SGCZ: variants seen among roughly 807,000 people sequenced by gnomAD.
The protein encoded by SGCZ is sarcoglycan zeta.
In SGCZ, 40 loss-of-function variants were observed where a neutral mutation model predicts 41.3. The observed-to-expected ratio is 0.97, with a 90% CI of 0.75 to 1.26. The LOEUF (loss-of-function observed/expected upper bound fraction) is 1.26, where lower values mean the gene tolerates loss of function less well. Ranked by LOEUF, SGCZ falls within the 50% of genes most tolerant of loss-of-function variation. The probability of loss-of-function intolerance (pLI) is 0.00; values close to 1 mark genes in which losing one functional copy is unlikely to be tolerated. For missense variants in SGCZ, 552 were observed against 369.8 expected (o/e 1.49, Z -4.04); for synonymous variants, 206 against 137.5 (o/e 1.50, Z -3.49).
At chr8:14,300,233 A>G (rs1055904375) in intron 3 of SGCZ, among the ~76,000 whole-genome samples, 1 of 151,854 alleles carries the variant, frequency 6.6e-6, no homozygotes, top group Non-Finnish European at 1.5e-5. Flanking sequence ...ACAAAATTCT[A>G]CAGCTAAATA....
At chr8:14,601,853 G>A (rs1379495107) in intron 1 of SGCZ, among the ~76,000 whole-genome samples, 1 of 152,164 alleles carries the variant, frequency 6.6e-6, no homozygotes, top group African/African-American at 2.4e-5. Context: ...GGGCGCGGTG[G>A]CTCACGCCTG....
At chr8:14,128,550 G>C (rs1046469718) in intron 5 of SGCZ, among the ~76,000 whole-genome samples, 1 of 152,086 alleles carries the variant, frequency 6.6e-6, no homozygotes, top group African/African-American at 2.4e-5. Context: ...CCAGTATTTG[G>C]TATCTACCTA....
intron 1 of SGCZ, among the ~76,000 whole-genome samples, chr8:14,847,110 A>AAAG (rs1314208680): frequency 7.0e-6 from 1 of 142,250 alleles, no homozygotes; most frequent in Non-Finnish European, 1.5e-5. Context: ...AAGAAAGAAG[A>AAAG]AAGAAGAAGA....
At chr8:14,399,907 A>T (rs894544253) in intron 2 of SGCZ, among the ~76,000 whole-genome samples, 6 of 151,978 alleles carry the variant, frequency 3.9e-5, no homozygotes, top group African/African-American at 1.4e-4. Context: ...ATACTTCCAA[A>T]ATTGGGCAAT....
intron 3 of SGCZ, among the ~76,000 whole-genome samples, chr8:14,302,959 C>A (rs924195176): frequency 7.9e-5 from 12 of 152,132 alleles, no homozygotes; most frequent in Admixed American, 1.3e-4. Context: ...CAGTCTCAGT[C>A]ATATTCGTGC....
intron 1 of SGCZ, among the ~76,000 whole-genome samples, chr8:14,716,628 T>A (rs1809698982): frequency 6.6e-6 from 1 of 152,096 alleles, no homozygotes; most frequent in African/African-American, 2.4e-5. Context: ...ATAGAAAAAT[T>A]AAAACCAAAC....
At chr8:15,153,101 G>C (rs1283558784) in intron 1 of SGCZ, among the ~76,000 whole-genome samples, 1 of 152,150 alleles carries the variant, frequency 6.6e-6, no homozygotes, top group Non-Finnish European at 1.5e-5. Context: ...TCATTTGAGA[G>C]ACTACAGTCT....
At chr8:15,236,929 G>T (rs572956596) in intron 1 of SGCZ, among the ~76,000 whole-genome samples, 1 of 152,132 alleles carries the variant, frequency 6.6e-6, no homozygotes, top group Non-Finnish European at 1.5e-5. Flanking sequence ...CCGAGTCCCC[G>T]GACCTGCTCC....
chr8:15,199,963 G>A (rs920859800), intron 1 of SGCZ, among the ~76,000 whole-genome samples: 1 of 152,270 alleles, frequency 6.6e-6, no homozygotes, highest in Non-Finnish European at 1.5e-5. Context: ...GATTCATAGG[G>A]AAGAATGATA....
chr8:14,762,315 C>T (rs1228021873), intron 1 of SGCZ, among the ~76,000 whole-genome samples: 1 of 152,132 alleles, frequency 6.6e-6, no homozygotes. Flanking sequence ...TAGTCCATTA[C>T]AAAATGAGAC....
intron 1 of SGCZ, among the ~76,000 whole-genome samples, chr8:14,720,576 T>C (rs1350548593): frequency 6.6e-6 from 1 of 152,092 alleles, no homozygotes; most frequent in African/African-American, 2.4e-5. Flanking sequence ...TTCTTATCCT[T>C]ATGCAGTGAA....
chr8:14,317,437 T>G (rs1323709559), intron 3 of SGCZ, among the ~76,000 whole-genome samples: 1 of 151,956 alleles, frequency 6.6e-6, no homozygotes, highest in Admixed American at 6.6e-5. Context: ...TAAAAATCAT[T>G]ATCTGTCAGA....
chr8:14,200,419 A>G (rs1414312528), intron 4 of SGCZ, among the ~76,000 whole-genome samples: 1 of 152,198 alleles, frequency 6.6e-6, no homozygotes, highest in African/African-American at 2.4e-5. Context: ...TTTATAAAGA[A>G]GAACATTGGA....
intron 1 of SGCZ, among the ~76,000 whole-genome samples, chr8:15,096,420 A>C (rs976951154): frequency 2.0e-5 from 3 of 152,216 alleles, no homozygotes; most frequent in Non-Finnish European, 4.4e-5. Flanking sequence ...ATGATTGTCT[A>C]CGAAAGCAGG....
intron 1 of SGCZ, among the ~76,000 whole-genome samples, chr8:15,040,459 C>CA (rs548040868): frequency 1.3e-4 from 20 of 151,758 alleles, no homozygotes; most frequent in South Asian, 1.2e-3. Flanking sequence ...ACTAAAAATA[C>CA]AAAAAAAATT....
chr8:14,812,893 A>T (rs1379059133), intron 1 of SGCZ, among the ~76,000 whole-genome samples: 1 of 152,140 alleles, frequency 6.6e-6, no homozygotes, highest in East Asian at 1.9e-4. Context: ...ATGCTGAGAA[A>T]ACTCTTCCTT....
At chr8:15,155,152 G>A (rs57686171) in intron 1 of SGCZ, among the ~76,000 whole-genome samples, 3,614 of 152,132 alleles carry the variant, frequency 0.024, 123 homozygotes, top group African/African-American at 0.081. Context: ...AAAATCAGCT[G>A]AGTGTGGTGG....
chr8:15,006,120 T>C lies in SGCZ; in HGVS notation c.39+231465A>G, dbSNP rs188926057. Among the ~76,000 whole-genome samples the C allele has an allele frequency of 2.9e-3, 442 of 152,270 alleles. 3 individuals carry two copies. The highest frequency in any genetic ancestry group is 4.6e-4 in the Non-Finnish European group (31 of 68,020). The stretch of plus-strand genomic sequence containing the variant: ...TATTATTGTATTTTATATTTATGCA[T>C]TGTGGGAAAGAGAGAGGAATAAATA... On this transcript the variant is annotated intron_variant, in intron 1 of 7. Transcript: ENST00000382080.
chr8:14,504,885 G>T (rs910688179), intron 2 of SGCZ, among the ~76,000 whole-genome samples: 1 of 152,004 alleles, frequency 6.6e-6, no homozygotes, highest in African/African-American at 2.4e-5. Context: ...TTTATAAATT[G>T]TGATTCCTAA....
Sources: gnomAD v4.1 joint callset for allele counts (sites outside exome capture counted in the v4.1 genomes callset) on GRCh38, gnomAD v4.1.1 for gene constraint, MANE v1.5 for transcripts, NCBI Gene and HGNC (gene_info 2026-07-23, HGNC 2026-07-21) for gene names.